Variants in SCFD2 observed in about 807,000 individuals in gnomAD.
The protein encoded by SCFD2 is sec1 family domain-containing protein 2.
Under a neutral mutation model 58.9 loss-of-function variants are expected in SCFD2, and 54 were observed. That is an observed-to-expected ratio of 0.92 (90% confidence interval 0.74 to 1.15). The LOEUF is 1.15. SCFD2 is among the 50% of genes most tolerant of loss of function. The pLI is 0.00. For synonymous variants in SCFD2, 321 were observed against 335.9 expected (o/e 0.96, Z 0.49); for missense variants, 805 against 836.6 (o/e 0.96, Z 0.47).
chr4:53,342,464 C>G (rs369138495), intron 2 of SCFD2, among the ~76,000 whole-genome samples: 2,425 of 152,238 alleles, frequency 0.016, 38 homozygotes, highest in Non-Finnish European at 0.025. Flanking sequence ...AAAGCAAGTC[C>G]TTAGAGACCT....
intron 5 of SCFD2, among the ~76,000 whole-genome samples, chr4:53,087,022 G>C (rs1352664999): frequency 6.6e-6 from 1 of 152,144 alleles, no homozygotes; most frequent in Non-Finnish European, 1.5e-5. Flanking sequence ...AGCTGGAAAA[G>C]TATGACTGGA....
intron 4 of SCFD2, among the ~76,000 whole-genome samples, chr4:53,248,001 A>G (rs1560409371): frequency 1.3e-5 from 2 of 152,010 alleles, no homozygotes; most frequent in African/African-American, 2.4e-5. Flanking sequence ...CTGCATTTCC[A>G]TCTGAGGTAC....
At chr4:53,339,008 T>C (rs1262074375) in intron 2 of SCFD2, among the ~76,000 whole-genome samples, 1 of 151,974 alleles carries the variant, frequency 6.6e-6, no homozygotes, top group Non-Finnish European at 1.5e-5. Flanking sequence ...AGATCTACTC[T>C]AAAAGAATAG....
intron 5 of SCFD2, among the ~76,000 whole-genome samples, chr4:53,118,173 T>C (rs753536687): frequency 1.3e-5 from 2 of 152,096 alleles, no homozygotes; most frequent in Non-Finnish European, 2.9e-5. Flanking sequence ...TAAGAAGTAA[T>C]GTTGCCATTA....
chr4:53,344,852 GA>G (rs1163202139), intron 2 of SCFD2, among the ~76,000 whole-genome samples: 4 of 152,168 alleles, frequency 2.6e-5, no homozygotes, highest in Admixed American at 1.3e-4. Context: ...ACGGGGAAAG[GA>G]TTCCCTATTT....
chr4:53,329,938 C>T (rs1015680897), intron 2 of SCFD2, among the ~76,000 whole-genome samples: 3 of 151,604 alleles, frequency 2.0e-5, no homozygotes, highest in African/African-American at 2.4e-5. Flanking sequence ...TCGAGAACTA[C>T]ATGAAGAATG....
chr4:52,877,927 C>G (rs1175066290), intron 8 of SCFD2, among the ~76,000 whole-genome samples: 1 of 152,216 alleles, frequency 6.6e-6, no homozygotes, highest in Non-Finnish European at 1.5e-5. Context: ...TCCACACCCC[C>G]AAATCAGTCC....
intron 4 of SCFD2, among the ~76,000 whole-genome samples, chr4:53,234,477 G>A (rs1475137315): frequency 1.3e-5 from 2 of 152,186 alleles, no homozygotes; most frequent in Non-Finnish European, 2.9e-5. Flanking sequence ...GGGGACTGGA[G>A]GACAGAGGTT....
rs544249334 is a variant in SCFD2, at chr4:53,300,753, C to G, written c.1135+12883G>C. ...ACAGAAATTATAACAAACTGTCTCT[C>G]AGACCACAGTGCAATCAAACTAGAA... On this transcript the variant is annotated intron_variant, in intron 3 of 8. Transcript: ENST00000401642. Among the ~76,000 whole-genome samples, 14 of 152,328 alleles carry G rather than the reference C, an allele frequency of 9.2e-5. No individual in the cohort carries two copies. The East Asian group carries it at 2.3e-3, about 25-fold the overall frequency.
rs557462276 is a variant in SCFD2 at position 53,365,135 on chromosome 4, C to A, written c.807G>T (p.Val269=). The A allele has an allele frequency of 6.8e-6, 11 of 1,614,130 alleles. No individual in the cohort carries two copies. In the East Asian group the frequency reaches 2.5e-4, roughly 36 times the overall value. The change falls in exon 1 of 9, where the codon GTG becomes GTT. Residue 269 remains valine (V), a synonymous_variant. Coordinates refer to ENST00000401642, the MANE Select transcript of SCFD2 (RefSeq NM_152540.4). This position sits in a 1 kb window ranked among gnomAD's most constrained non-coding sequence, Gnocchi z 4.3. ...RKKTAAGRAS[V]VFVDRTLDLT... is the part of the protein sequence containing the mutation. ...GATCCAGGGTTCTGTCCACAAAAAC[C>A]ACTGATGCCCTGCCTGCAGCAGTCT...
At chr4:53,034,860 G>A (rs1722715683) in intron 5 of SCFD2, among the ~76,000 whole-genome samples, 1 of 152,182 alleles carries the variant, frequency 6.6e-6, no homozygotes, top group Admixed American at 6.5e-5. Context: ...CCATGCTCAT[G>A]GATAGGAAGA....
intron 3 of SCFD2, among the ~76,000 whole-genome samples, chr4:53,276,899 A>T (rs1435036515): frequency 6.6e-6 from 1 of 152,194 alleles, no homozygotes; most frequent in Non-Finnish European, 1.5e-5. Context: ...GTGGTTTAAA[A>T]TTTCATTTTC....
intron 5 of SCFD2, among the ~76,000 whole-genome samples, chr4:53,058,199 T>C (rs1577693324): frequency 6.6e-6 from 1 of 152,174 alleles, no homozygotes; most frequent in African/African-American, 2.4e-5. Context: ...TGTGCTACTA[T>C]TATAGAGATT....
At chr4:52,882,689 C>T (rs771010441) in intron 8 of SCFD2, among the ~76,000 whole-genome samples, 13 of 152,226 alleles carry the variant, frequency 8.5e-5, no homozygotes, top group Non-Finnish European at 1.5e-4. Context: ...CATTGAACTG[C>T]AAGTTCTTCA....
intron 4 of SCFD2, among the ~76,000 whole-genome samples, chr4:53,179,981 G>C (rs552293889): frequency 1.3e-5 from 2 of 152,100 alleles, no homozygotes; most frequent in African/African-American, 4.8e-5. Flanking sequence ...CCCAATACAG[G>C]AGCATCCAGA....
At position 53,080,692 on chromosome 4, in the gene SCFD2, C is replaced by A. The variant is rs149368128; in HGVS notation, c.1561+64641G>T. Among the ~76,000 whole-genome samples, 155 of 152,234 alleles carry A rather than the reference C, an allele frequency of 1.0e-3. 1 individual carries two copies. Among genetic ancestry groups the A allele is most frequent in the African/African-American group, 3.6e-3 (149 of 41,548 alleles). On this transcript the variant is annotated intron_variant, in intron 5 of 8. Transcript: ENST00000401642. ...ATAGGGAGGGGTTGTGGGAAATCTT[C>A]ATTTAACCCCTAAGAACTATTTTTC... is the stretch of plus-strand genomic sequence containing the variant.
chr4:53,156,033 A>G (rs1188619621), intron 4 of SCFD2, among the ~76,000 whole-genome samples: 4 of 152,174 alleles, frequency 2.6e-5, no homozygotes, highest in Admixed American at 2.0e-4. Context: ...ACTAGGCTAT[A>G]TTTTGTGAGC....
At chr4:53,233,410 G>A (rs1012182471) in intron 4 of SCFD2, among the ~76,000 whole-genome samples, 1 of 152,144 alleles carries the variant, frequency 6.6e-6, no homozygotes, top group African/African-American at 2.4e-5. Flanking sequence ...ACCCATATGC[G>A]CCTTCAGTCA....
chr4:53,247,108 A>C (rs1358830016), intron 4 of SCFD2, among the ~76,000 whole-genome samples: 1 of 152,224 alleles, frequency 6.6e-6, no homozygotes, highest in African/African-American at 2.4e-5. Flanking sequence ...ATGAACAGAT[A>C]CTTTTCAAAA....
Sources: allele counts gnomAD v4.1 joint callset (sites outside exome capture counted in the v4.1 genomes callset), GRCh38; gene constraint gnomAD v4.1.1; non-coding constraint Gnocchi (gnomAD v3.1); transcripts MANE v1.5; gene names NCBI Gene and HGNC (gene_info 2026-07-23, HGNC 2026-07-21).